Variants in CXorf66 observed in about 807,000 individuals in gnomAD.
CXorf66 encodes the protein uncharacterized protein CXorf66.
In CXorf66, 6 loss-of-function variants were observed where a neutral mutation model predicts 5.0. The ratio of observed to expected loss-of-function variants is 1.20; its 90% confidence interval spans 0.65 to 2.36. The LOEUF is 2.36. CXorf66 is among the 30% of genes most tolerant of loss of function. The probability of loss-of-function intolerance (pLI) is 0.00; values close to 1 mark genes in which losing one functional copy is unlikely to be tolerated. For missense variants in CXorf66, 270 were observed against 254.9 expected (o/e 1.06, Z -0.40); for synonymous variants, 98 against 102.8 (o/e 0.95, Z 0.28).
intron 1 of CXorf66, among the ~76,000 whole-genome samples, chrX:139,959,038 A>G (rs1399737399): frequency 9.0e-6 from 1 of 111,409 alleles, no homozygotes; most frequent in Non-Finnish European, 1.9e-5. Flanking sequence ...TTTTCCCCCC[A>G]GTGGCACCTG....
Position 139,956,368 on chromosome X carries a change from T to G in CXorf66, c.614A>C (p.Lys205Thr). 1 of 1,212,127 alleles carries G rather than the reference T, an allele frequency of 8.2e-7. No individual in the cohort carries two copies. The highest frequency in any genetic ancestry group is 1.1e-6 in the Non-Finnish European group (1 of 895,589). ...DYACKLASSD[K>T]PVRPPQLFKP... ...GAATAGCTGAGGTGGCCTGACTGGC[T>G]TATCTGAACTGGCTAGCTTACACGC... is the stretch of plus-strand genomic sequence containing the variant. Residue 205 changes from lysine (K) to threonine (T), a missense_variant, in exon 3 of 3, where the codon AAG becomes ACG. By Grantham distance (78) the Lys-to-Thr change is moderately conservative (BLOSUM62 -1). Coordinates refer to ENST00000370540, the MANE Select transcript of CXorf66 (RefSeq NM_001013403.3).
chrX:139,959,330 G>A (rs942819579), intron 1 of CXorf66, among the ~76,000 whole-genome samples: 6 of 111,766 alleles, frequency 5.4e-5, no homozygotes, highest in African/African-American at 1.3e-4. Context: ...TCACCACAGC[G>A]CTGCAAAGCA....
chrX:139,956,088 A>G lies in CXorf66; in HGVS notation c.894T>C (p.His298=). The change falls in exon 3 of 3, where the codon CAT becomes CAC. Residue 298 remains histidine, a synonymous_variant. Transcript: ENST00000370540. ...AAGAGGACTTGACTTTGCTTGAAAC[A>G]TGTAGGTTTTGAGTGTTTTTCTCCT... ...EAKEKNTQNL[H]VSSKVKSSSR... The G allele has an allele frequency of 2.5e-6, 3 of 1,211,371 alleles. No homozygotes were observed. The highest frequency in any genetic ancestry group is 3.4e-6 in the Non-Finnish European group (3 of 895,114).
In CXorf66 at chrX:139,956,878, G is replaced by T. The variant is rs1341370665; in HGVS notation, c.243-139C>A. ...AAAACTGAACACAGTAAGAATCGGA[G>T]TGTGACGGCTGTGTGTGGTGGTTCA... On this transcript the variant is annotated intron_variant, in intron 2 of 2. Transcript: ENST00000370540. 3 of 609,272 alleles carry T rather than the reference G, an allele frequency of 4.9e-6. No homozygotes were observed. The Admixed American group carries it at 1.0e-4, about 21-fold the overall frequency. The allele number at this position is 609,272 out of a possible 1,213,427, so 50.2% of individuals were successfully genotyped here.
At chrX:139,965,124 T>G (rs899265478) in intron 1 of CXorf66, among the ~76,000 whole-genome samples, 1 of 111,708 alleles carries the variant, frequency 9.0e-6, no homozygotes, top group Non-Finnish European at 1.9e-5. Flanking sequence ...TTAAGTCCCT[T>G]GCCAGATTCA....
intron 2 of CXorf66, 49 bp downstream of exon 2, chrX:139,958,015 G>A (rs957003438): frequency 9.1e-6 from 10 of 1,096,473 alleles, no homozygotes; most frequent in Non-Finnish European, 1.2e-5. Context: ...TCCGCTATAT[G>A]TACACACACA....
intron 2 of CXorf66, among the ~76,000 whole-genome samples, chrX:139,957,519 C>T (rs992380526): frequency 4.5e-5 from 5 of 111,558 alleles, no homozygotes; most frequent in Non-Finnish European, 7.5e-5. Context: ...ATCAAGTTAT[C>T]GGTGCATATT....
intron 1 of CXorf66, among the ~76,000 whole-genome samples, chrX:139,960,068 G>T (rs1463132432): frequency 4.5e-5 from 5 of 110,578 alleles, no homozygotes; most frequent in Non-Finnish European, 7.5e-5. Context: ...ACTAGACAAA[G>T]AATGAGTTTG....
rs771755538 is a variant in CXorf66 at position 139,956,057 on chromosome X, A to G, written c.925T>C (p.Ser309Pro). Reference sequence around the variant, plus strand: ...TTCCTGGAATCTAACTTACGAAAGGACCTGGAAGAGGACTTGACTTTGCTT... The same window carrying G: ...TTCCTGGAATCTAACTTACGAAAGGGCCTGGAAGAGGACTTGACTTTGCTT... Reference protein sequence around the residue: ...VSSKVKSSSRSFRKLDSRNNA... With the variant: ...VSSKVKSSSRPFRKLDSRNNA... Residue 309 changes from serine (S) to proline (P), a missense_variant, in exon 3 of 3, where the codon TCC becomes CCC. Physicochemically the swap from Ser to Pro is moderately conservative, Grantham distance 74. Coordinates refer to ENST00000370540, the MANE Select transcript of CXorf66 (RefSeq NM_001013403.3). The G allele has an allele frequency of 1.1e-5, 13 of 1,210,906 alleles. No homozygotes were observed. In the South Asian group the frequency reaches 2.1e-4, roughly 20 times the overall value.
intron 1 of CXorf66, 26 bp downstream of exon 1, chrX:139,965,383 T>G: frequency 9.4e-7 from 1 of 1,059,636 alleles, no homozygotes; most frequent in Non-Finnish European, 1.3e-6. Context: ...GATCATAATT[T>G]ACAAGTTTTA....
Position 139,955,839 on chromosome X carries a change from T to G in CXorf66, c.*57A>C. On this transcript the variant is annotated 3_prime_UTR_variant, in exon 3 of 3. Coordinates refer to ENST00000370540, the MANE Select transcript of CXorf66 (RefSeq NM_001013403.3). ...CTGGTTTCTTAAGGGATGATGAGCA[T>G]AAAATAGTTGGTATAAGTTTGCTCT... is the stretch of plus-strand genomic sequence containing the variant. The G allele has an allele frequency of 9.1e-7, 1 of 1,093,085 alleles. No individual in the cohort carries two copies. 90.1% of individuals were successfully genotyped at this position (1,093,085 alleles called of 1,213,427 possible).
At position 139,956,184 on chromosome X, in the gene CXorf66, A is replaced by G; in HGVS notation, c.798T>C (p.Cys266=). ...CAAGATGTTTTTTCTTGTAGGGTTG[A>G]CAAGTTTCAGCTAATTCAGAGTTGG... is the stretch of plus-strand genomic sequence containing the variant. ...LLSNSELAET[C]QPYKKKHLVA... The change falls in exon 3 of 3, where the codon TGT becomes TGC. Residue 266 remains cysteine (C), a synonymous_variant. Coordinates refer to ENST00000370540, the MANE Select transcript of CXorf66 (RefSeq NM_001013403.3). The G allele has an allele frequency of 8.3e-7, 1 of 1,211,644 alleles. No individual in the cohort carries two copies. Among genetic ancestry groups the G allele is most frequent in the Non-Finnish European group, 1.1e-6 (1 of 895,286 alleles).
rs1160814713 is a variant in CXorf66, at chrX:139,956,288, C to T, written c.694G>A (p.Gly232Ser). 8 of 1,209,625 alleles carry T rather than the reference C, an allele frequency of 6.6e-6. No homozygotes were observed. The Admixed American group carries it at 8.8e-5, about 13-fold the overall frequency. ...QNEISPSKPF[G>S]PQELAKPPKH... ...GGAGGCTTAGCCAATTCCTGTGGACCGAATGGCTTGGATGGTGAGATTTCA... is the reference window on the plus strand; with the variant it reads ...GGAGGCTTAGCCAATTCCTGTGGACTGAATGGCTTGGATGGTGAGATTTCA... Residue 232 changes from glycine (G) to serine (S), a missense_variant, in exon 3 of 3, where the codon GGT (glycine) becomes AGT (serine). Gly to Ser is a moderately conservative substitution (Grantham distance 56). Coordinates refer to ENST00000370540, the MANE Select transcript of CXorf66 (RefSeq NM_001013403.3).
At position 139,956,436 on chromosome X, in the gene CXorf66, T is replaced by C. The variant is rs1273696002; in HGVS notation, c.546A>G (p.Ala182=). 1 of 1,211,883 alleles carries C rather than the reference T, an allele frequency of 8.3e-7. No individual in the cohort carries two copies. Among genetic ancestry groups the C allele is most frequent in the Non-Finnish European group, 1.1e-6 (1 of 895,395 alleles). The part of the protein sequence containing the change: ...KLSKSSHLEK[A]HKKGSLEKLC... ...ATTTTTCTAGGCTGCCTTTCTTATGTGCCTTTTCCAGGTGAGATGACTTGC... is the reference window on the plus strand; with the variant it reads ...ATTTTTCTAGGCTGCCTTTCTTATGCGCCTTTTCCAGGTGAGATGACTTGC... Residue 182 remains alanine, a synonymous_variant, in exon 3 of 3, where the codon GCA becomes GCG. Transcript: ENST00000370540.
Position 139,955,906 on chromosome X carries a change from A to C in CXorf66, c.1076T>G (p.Leu359Arg), listed in dbSNP as rs767287883. 2 of 1,184,621 alleles carry C rather than the reference A, an allele frequency of 1.7e-6. No individual in the cohort carries two copies. The highest frequency in any genetic ancestry group is 4.9e-5 in the Admixed American group (2 of 41,031). Reference sequence around the variant, plus strand: ...ATTTTTGTTGAGCTCCTAATCATTTAGGGTTACTTCAGAGGTGACTTGATT... The same window carrying C: ...ATTTTTGTTGAGCTCCTAATCATTTCGGGTTACTTCAGAGGTGACTTGATT... ...GYNQVTSEVT[L>R]ND The change falls in exon 3 of 3, where the codon CTA becomes CGA. Residue 359 changes from leucine (L) to arginine (R), a missense_variant. Transcript: ENST00000370540.
chrX:139,959,623 G>A (rs768706221), intron 1 of CXorf66, among the ~76,000 whole-genome samples: 6 of 112,368 alleles, frequency 5.3e-5, no homozygotes, highest in Admixed American at 9.4e-5. Context: ...CGTGCCTCCC[G>A]GATGGAGAGA....
Position 139,962,734 on chromosome X carries a change from C to T in CXorf66, c.88+2675G>A, listed in dbSNP as rs763617541. Among the ~76,000 whole-genome samples the T allele has an allele frequency of 6.3e-5, 7 of 111,562 alleles. No homozygotes were observed. The East Asian group carries it at 1.1e-3, about 18-fold the overall frequency. ...AACAGCTTATCCACCACCATCAAGT[C>T]GGCTTCATCCCTGGGATGCAAGGCT... is the stretch of plus-strand genomic sequence containing the variant. On this transcript the variant is annotated intron_variant, in intron 1 of 2. Coordinates refer to ENST00000370540, the MANE Select transcript of CXorf66 (RefSeq NM_001013403.3).
At chrX:139,959,846 G>T (rs6654378) in intron 1 of CXorf66, among the ~76,000 whole-genome samples, 16,431 of 110,871 alleles carry the variant, frequency 0.15, 1,213 homozygotes, top group East Asian at 0.39. Flanking sequence ...ATTGTTAGAA[G>T]AAAAACTAAG....
intron 1 of CXorf66, among the ~76,000 whole-genome samples, chrX:139,958,439 C>T (rs373107988): frequency 6.3e-4 from 70 of 111,899 alleles, no homozygotes; most frequent in African/African-American, 2.2e-3. Flanking sequence ...CCTGGGTTAT[C>T]CCTGAATCTT....
Sources: allele counts gnomAD v4.1 joint callset (sites outside exome capture counted in the v4.1 genomes callset), GRCh38; gene constraint gnomAD v4.1.1; transcripts MANE v1.5; gene names NCBI Gene and HGNC (gene_info 2026-07-23, HGNC 2026-07-21).